SLC44A5: variants seen among roughly 807,000 people sequenced by gnomAD.
SLC44A5 encodes solute carrier family 44 member 5.
SLC44A5 carries 57 observed loss-of-function variants against 101.8 expected under a neutral mutation model. The ratio of observed to expected loss-of-function variants is 0.56; its 90% CI spans 0.45 to 0.70. The LOEUF (loss-of-function observed/expected upper bound fraction) is 0.70. Ranked by LOEUF, SLC44A5 falls within the 30% of genes least tolerant of loss-of-function variation. The pLI is 0.00. For missense variants in SLC44A5, 737 were observed against 853.1 expected, an observed-to-expected ratio of 0.86 and a Z score of 1.70; for synonymous variants, 281 against 290.9, an observed-to-expected ratio of 0.97 and a Z score of 0.35.
At chr1:75,478,173 A>T (rs764087856) in intron 2 of SLC44A5, among the ~76,000 whole-genome samples, 7 of 152,190 alleles carry the variant, frequency 4.6e-5, no homozygotes, top group African/African-American at 1.7e-4. Flanking sequence ...GTGAAGGAGA[A>T]ATAAAATCCT....
At chr1:75,679,661 C>A in the SLC44A5 span, among the ~76,000 whole-genome samples, 1 of 151,838 alleles carries the variant, frequency 6.6e-6, no homozygotes, top group Non-Finnish European at 1.5e-5. Flanking sequence ...CAAAATCATG[C>A]CAAAATGTAA....
chr1:75,236,892 A>C, intron 11 of SLC44A5, 95 bp downstream of exon 11: 1 of 638,154 alleles, frequency 1.6e-6, no homozygotes, highest in Non-Finnish European at 2.7e-6. Context: ...CATTTCTTTT[A>C]TTCATGAATA....
chr1:75,511,037 G>A (rs979480336), intron 2 of SLC44A5, among the ~76,000 whole-genome samples: 1 of 152,184 alleles, frequency 6.6e-6, no homozygotes, highest in African/African-American at 2.4e-5. Flanking sequence ...CAGCTACTCG[G>A]GAGGCTGAGG....
At chr1:75,549,424 C>T (rs538993781) in intron 1 of SLC44A5, among the ~76,000 whole-genome samples, 2 of 152,240 alleles carry the variant, frequency 1.3e-5, no homozygotes, top group South Asian at 4.1e-4. Flanking sequence ...TCCACCGCCC[C>T]ACTCTTCCTT....
intron 5 of SLC44A5, among the ~76,000 whole-genome samples, chr1:75,282,084 G>A (rs1294071415): frequency 6.6e-6 from 1 of 152,220 alleles, no homozygotes; most frequent in Non-Finnish European, 1.5e-5. Flanking sequence ...GCCAGCCAGT[G>A]ACAACAGCTG....
chr1:75,351,391 T>G (rs1450450115), intron 3 of SLC44A5, among the ~76,000 whole-genome samples: 1 of 152,058 alleles, frequency 6.6e-6, no homozygotes, highest in African/African-American at 2.4e-5. Flanking sequence ...AACTTGGACA[T>G]TACCTTATAT....
At chr1:75,543,321 A>G (rs948412894) in intron 1 of SLC44A5, among the ~76,000 whole-genome samples, 5 of 151,948 alleles carry the variant, frequency 3.3e-5, no homozygotes, top group Non-Finnish European at 2.9e-5. Flanking sequence ...CTTTGCCTGG[A>G]GTACTCTCTC....
Position 75,429,857 on chromosome 1 carries a change from A to G in SLC44A5, c.14-33236T>C, listed in dbSNP as rs531463987. On this transcript the variant is annotated intron_variant, in intron 2 of 23. Transcript: ENST00000370859. The stretch of plus-strand genomic sequence containing the variant: ...TGCCTCCCATCAGGCCCCACCACTA[A>G]CACTGGGGATTACATTTCAACATGA... Among the ~76,000 whole-genome samples the G allele has an allele frequency of 3.9e-5, 6 of 152,296 alleles. No individual in the cohort carries two copies. The East Asian group carries it at 7.7e-4, about 20-fold the overall frequency.
At chr1:75,320,357 T>TA (rs1290911476) in intron 4 of SLC44A5, among the ~76,000 whole-genome samples, 2 of 151,952 alleles carry the variant, frequency 1.3e-5, no homozygotes, top group South Asian at 2.1e-4. Context: ...ATCCTAGAAA[T>TA]AAAAAATATT....
At chr1:75,387,359 T>A (rs1309925985) in intron 3 of SLC44A5, among the ~76,000 whole-genome samples, 9 of 129,406 alleles carry the variant, frequency 7.0e-5, no homozygotes, top group Non-Finnish European at 1.3e-4. Flanking sequence ...CAAACAAATT[T>A]ACAAGAAAAA....
chr1:75,474,264 G>A (rs565270847), intron 2 of SLC44A5, among the ~76,000 whole-genome samples: 68 of 152,134 alleles, frequency 4.5e-4, no homozygotes, highest in African/African-American at 1.4e-3. Context: ...ACTTACTGTC[G>A]ATAGTAAATT....
intron 2 of SLC44A5, among the ~76,000 whole-genome samples, chr1:75,462,136 C>G (rs2101696930): frequency 6.6e-6 from 1 of 152,298 alleles, no homozygotes; most frequent in Non-Finnish European, 1.5e-5. Context: ...GCGGTAGTAG[C>G]CAAAGGGTGC....
chr1:75,361,580 C>T (rs1659492457), intron 3 of SLC44A5, among the ~76,000 whole-genome samples: 1 of 151,980 alleles, frequency 6.6e-6, no homozygotes, highest in Non-Finnish European at 1.5e-5. Context: ...TTGTCAAACG[C>T]TTTTGTGCAT....
chr1:75,441,350 T>G (rs930142447), intron 2 of SLC44A5, among the ~76,000 whole-genome samples: 1 of 152,120 alleles, frequency 6.6e-6, no homozygotes, highest in Non-Finnish European at 1.5e-5. Context: ...TGTGATAATC[T>G]AAAAACACCA....
chr1:75,584,827 G>T (rs898514915), intron 1 of SLC44A5, among the ~76,000 whole-genome samples: 7 of 152,060 alleles, frequency 4.6e-5, no homozygotes, highest in Non-Finnish European at 8.8e-5. Context: ...GGATTCCTGG[G>T]CTCAAGCAAT....
chr1:75,558,274 T>G (rs1672329003), intron 1 of SLC44A5, among the ~76,000 whole-genome samples: 1 of 152,156 alleles, frequency 6.6e-6, no homozygotes, highest in South Asian at 2.1e-4. Context: ...AATTTTTTAT[T>G]ATTTGATAAA....
intron 1 of SLC44A5, among the ~76,000 whole-genome samples, chr1:75,596,497 C>G (rs1557946092): frequency 6.6e-6 from 1 of 151,958 alleles, no homozygotes; most frequent in Non-Finnish European, 1.5e-5. Context: ...AGAAATAAAC[C>G]AGAAAAAGAA....
chr1:75,606,484 C>T (rs1048313131), intron 1 of SLC44A5, among the ~76,000 whole-genome samples: 1 of 151,992 alleles, frequency 6.6e-6, no homozygotes, highest in African/African-American at 2.4e-5. Flanking sequence ...GAATAAAACC[C>T]ACTATTATTC....
intron 11 of SLC44A5, 53 bp downstream of exon 11, chr1:75,236,934 A>T (rs1173862282): frequency 2.0e-6 from 2 of 980,066 alleles, no homozygotes; most frequent in Admixed American, 2.0e-5. Context: ...GAGTTCTACA[A>T]AGATAAAATC....
Sources: gnomAD v4.1 joint callset for allele counts (sites outside exome capture counted in the v4.1 genomes callset) on GRCh38, gnomAD v4.1.1 for gene constraint, MANE v1.5 for transcripts, NCBI Gene and HGNC (gene_info 2026-07-23, HGNC 2026-07-21) for gene names.